Variants in MTMR10 observed in about 807,000 individuals in gnomAD.
MTMR10 encodes myotubularin related protein 10.
Under a neutral mutation model 88.1 loss-of-function variants are expected in MTMR10, and 56 were observed. The observed-to-expected ratio is 0.64, with a 90% confidence interval of 0.51 to 0.79. The LOEUF is 0.79. MTMR10 is among the 30% of genes least tolerant of loss of function. MTMR10 has a pLI of 0.00. For missense variants in MTMR10, 883 were observed against 924.7 expected (o/e 0.95, Z 0.58); for synonymous variants, 380 against 340.9 (o/e 1.11, Z -1.26).
the MTMR10 span, among the ~76,000 whole-genome samples, chr15:30,933,183 T>A: frequency 6.6e-6 from 1 of 152,230 alleles, no homozygotes; most frequent in Non-Finnish European, 1.5e-5. Context: ...TGGTTTCATT[T>A]GTTTTTTTAT....
downstream of MTMR10, among the ~76,000 whole-genome samples, chr15:30,938,506 T>C (rs568806300): frequency 6.6e-6 from 1 of 152,210 alleles, no homozygotes; most frequent in African/African-American, 2.4e-5. Flanking sequence ...CCCTAATAAC[T>C]AGATAGGGGT....
intron 12 of MTMR10, among the ~76,000 whole-genome samples, chr15:30,950,924 T>C (rs1443822399): frequency 3.9e-5 from 6 of 152,210 alleles, no homozygotes; most frequent in Non-Finnish European, 7.3e-5. Context: ...GTAAATGCTA[T>C]GTAAACAGTT....
chr15:30,934,861 G>A (rs776682584), downstream of MTMR10, among the ~76,000 whole-genome samples: 4 of 152,200 alleles, frequency 2.6e-5, no homozygotes, highest in Admixed American at 1.3e-4. Context: ...AGCCTTTGTG[G>A]TGTTTTCATA....
chr15:30,961,163 G>T, intron 6 of MTMR10, 90 bp from the exon 7 acceptor site: 1 of 1,449,690 alleles, frequency 6.9e-7, no homozygotes, highest in South Asian at 1.4e-5. Context: ...TGCATACTCT[G>T]ATGTGCTGTC....
chr15:30,968,156 A>G, intron 5 of MTMR10, 146 bp from the exon 6 acceptor site: 1 of 537,090 alleles, frequency 1.9e-6, no homozygotes, highest in Non-Finnish European at 3.2e-6. Flanking sequence ...TAGAATATAA[A>G]AGAGCTCCTT....
At chr15:30,990,198 G>T (rs1439205309) in intron 2 of MTMR10, among the ~76,000 whole-genome samples, 1 of 152,104 alleles carries the variant, frequency 6.6e-6, no homozygotes, top group Non-Finnish European at 1.5e-5. Context: ...GCAACTAGGT[G>T]GTGGGGGATA....
At chr15:30,930,554 C>T in the MTMR10 span, 27 of 1,596,020 alleles carry the variant, frequency 1.7e-5, no homozygotes, top group Non-Finnish European at 3.4e-6. Flanking sequence ...ATCTTGTCTC[C>T]TGCCTGGGGG....
intron 14 of MTMR10, chr15:30,944,109 C>T: frequency 1.4e-6 from 1 of 732,296 alleles, no homozygotes; most frequent in Non-Finnish European, 1.7e-6. Flanking sequence ...AGTCAGGAGG[C>T]CATGACTACA....
chr15:30,958,378 C>T (rs1293866471), intron 9 of MTMR10, among the ~76,000 whole-genome samples: 1 of 152,218 alleles, frequency 6.6e-6, no homozygotes, highest in Non-Finnish European at 1.5e-5. Context: ...GTATTGCTCA[C>T]TGCTATGAGC....
Position 30,947,169 on chromosome 15 carries a change from G to C in MTMR10, c.1509C>G (p.Phe503Leu). 1.9e-6 allele frequency: 3 copies of C among 1,613,544 alleles called. No homozygotes were observed. Among genetic ancestry groups the C allele is most frequent in the Non-Finnish European group, 2.5e-6 (3 of 1,179,768 alleles). The change falls in exon 14 of 16, where the codon TTC becomes TTG. Residue 503 changes from phenylalanine to leucine, a missense_variant. Physicochemically the swap from Phe to Leu is conservative, Grantham distance 22 (BLOSUM62 0). Transcript: ENST00000435680. ...CTCGCTGGTGAGGGGAGTTGAACAG[G>C]AAGGTGCCAAACAGTGAGATCCGGG... ...DSTRISLFGT[F>L]LFNSPHQRVK...
chr15:30,976,106 T>A (rs554430825), intron 3 of MTMR10, among the ~76,000 whole-genome samples: 99 of 142,690 alleles, frequency 6.9e-4, no homozygotes, highest in Non-Finnish European at 9.2e-4. Flanking sequence ...CTAATTAGTT[T>A]AAAAAAAAAA....
At chr15:30,974,792 G>T in intron 4 of MTMR10, 139 bp downstream of exon 4, 1 of 528,552 alleles carries the variant, frequency 1.9e-6, no homozygotes, top group Non-Finnish European at 3.2e-6. Flanking sequence ...CCCTCTTTAT[G>T]TTCCCGGGAC....
Position 30,954,900 on chromosome 15 carries a change from A to G in MTMR10, c.936-7T>C, listed in dbSNP as rs776760000. The stretch of plus-strand genomic sequence containing the variant: ...AGTTATTGCATTACAAATCCTAATA[A>G]AGACAAAAATACTTTAGTCATTACT... On this transcript the variant is annotated splice_region_variant and splice_polypyrimidine_tract_variant and intron_variant, in intron 9 of 15. Transcript: ENST00000435680. 6.5e-7 allele frequency: 1 copy of G among 1,539,116 alleles called. No individual in the cohort carries two copies. The highest frequency in any genetic ancestry group is 1.4e-5 in the African/African-American group (1 of 72,442).
At chr15:30,942,746 G>T in intron 15 of MTMR10, 144 bp downstream of exon 15, 1 of 812,412 alleles carries the variant, frequency 1.2e-6, no homozygotes. Context: ...ACAGTCATTT[G>T]AGTTAAAAAG....
intron 14 of MTMR10, chr15:30,946,381 C>CA (rs2063171627): frequency 4.4e-6 from 1 of 226,368 alleles, no homozygotes; most frequent in Admixed American, 5.5e-5. Context: ...CCTGGACTCT[C>CA]AGGCTGAAGC....
intron 2 of MTMR10, among the ~76,000 whole-genome samples, chr15:30,985,467 T>C (rs929458346): frequency 1.3e-5 from 2 of 152,208 alleles, no homozygotes; most frequent in Non-Finnish European, 2.9e-5. Flanking sequence ...CCGTGCTACT[T>C]AGCAGTTAGT....
the MTMR10 span, chr15:30,928,471 T>C: frequency 5.3e-5 from 84 of 1,572,878 alleles, no homozygotes; most frequent in Non-Finnish European, 7.0e-5. Context: ...CAGTAGGTTA[T>C]GGTGGTGTTT....
At chr15:30,971,111 A>C (rs766623939) in intron 5 of MTMR10, among the ~76,000 whole-genome samples, 4 of 152,116 alleles carry the variant, frequency 2.6e-5, no homozygotes, top group Non-Finnish European at 5.9e-5. Context: ...ACTTTTACAT[A>C]CACACTATTT....
the MTMR10 span, chr15:30,928,353 G>T: frequency 7.5e-7 from 1 of 1,330,070 alleles, no homozygotes; most frequent in Non-Finnish European, 9.6e-7. Flanking sequence ...TGCCCTTAAG[G>T]CTCTGTATAT....
Sources: gnomAD v4.1 joint callset for allele counts (sites outside exome capture counted in the v4.1 genomes callset) on GRCh38, gnomAD v4.1.1 for gene constraint, MANE v1.5 for transcripts, NCBI Gene and HGNC (gene_info 2026-07-23, HGNC 2026-07-21) for gene names.